PCDHGA5: variants seen among roughly 807,000 people sequenced by gnomAD.
PCDHGA5 encodes protocadherin gamma-A5.
Under a neutral mutation model 56.7 loss-of-function variants are expected in PCDHGA5, and 36 were observed. The ratio of observed to expected loss-of-function variants is 0.64; its 90% confidence interval spans 0.49 to 0.84. The LOEUF is 0.84. Among genes scored for constraint, PCDHGA5 ranks in the 40% least tolerant of loss-of-function variants. The pLI is 0.00. For missense variants in PCDHGA5, 1,305 were observed against 1,201.5 expected (o/e 1.09, Z -1.27); for synonymous variants, 563 against 520.2 (o/e 1.08, Z -1.12).
At chr5:141,409,573 C>T (rs562811168) in intron 1 of PCDHGA5, 4 of 1,613,934 alleles carry the variant, frequency 2.5e-6, no homozygotes, top group African/African-American at 2.7e-5. Flanking sequence ...AGACGTCCTA[C>T]GTGGTCCACG....
At chr5:141,420,036 G>A (rs1370492350) in intron 1 of PCDHGA5, 1 of 1,614,078 alleles carries the variant, frequency 6.2e-7, no homozygotes. Flanking sequence ...GCAGGAGACT[G>A]CTTTGAGTCA....
At chr5:141,419,246 GAAAACAACCAGCC>G (rs749331717) in intron 1 of PCDHGA5, 1 of 1,614,004 alleles carries the variant, frequency 6.2e-7, no homozygotes, top group South Asian at 1.1e-5. Flanking sequence ...CCACGTGCCA[GAAAACAACCAGCC>G]GGGTGCCTCC....
chr5:141,429,416 T>C (rs527999196), intron 1 of PCDHGA5, among the ~76,000 whole-genome samples: 1 of 152,230 alleles, frequency 6.6e-6, no homozygotes, highest in Admixed American at 6.5e-5. Flanking sequence ...GGTCTCATTA[T>C]GTTGCCCAGG....
chr5:141,505,960 G>A (rs2099849410), intron 3 of PCDHGA5, among the ~76,000 whole-genome samples: 1 of 152,202 alleles, frequency 6.6e-6, no homozygotes, highest in Non-Finnish European at 1.5e-5. Context: ...AGTGGGTGTA[G>A]AAATCCCCAG....
rs74792071 is a variant in PCDHGA5 at position 141,437,248 on chromosome 5, T to C, written c.2422-57559T>C. 4.6e-3 allele frequency among the ~76,000 whole-genome samples: 704 copies of C among 152,360 alleles called. 4 individuals carry two copies. The highest frequency in any genetic ancestry group is 0.015 in the African/African-American group (641 of 41,594). On this transcript the variant is annotated intron_variant, in intron 1 of 3. Transcript: ENST00000518069. ...CATAAAATTATGTCAAGGACTTTCC[T>C]TGTCTTTTTATGTGTATGACAGATG... is the stretch of plus-strand genomic sequence containing the variant.
At chr5:141,442,472 C>A (rs1032989256) in intron 1 of PCDHGA5, 4 of 152,204 alleles carry the variant, frequency 2.6e-5, no homozygotes, top group African/African-American at 9.7e-5. Flanking sequence ...GCAGAAAGCC[C>A]CTTGGGGAAG....
At chr5:141,389,855 G>GAGAGC (rs2091946783) in intron 1 of PCDHGA5, 1 of 1,613,942 alleles carries the variant, frequency 6.2e-7, no homozygotes, top group Non-Finnish European at 8.5e-7. Flanking sequence ...CCACTGCCAC[G>GAGAGC]TTGCACCTGG....
chr5:141,509,320 C>T (rs1261653347), intron 3 of PCDHGA5, among the ~76,000 whole-genome samples: 2 of 152,194 alleles, frequency 1.3e-5, no homozygotes, highest in East Asian at 3.8e-4. Flanking sequence ...GGGAGAGAAG[C>T]TCTACTGCCA....
At chr5:141,414,048 G>A in intron 1 of PCDHGA5, 1 of 1,610,508 alleles carries the variant, frequency 6.2e-7, no homozygotes, top group Non-Finnish European at 8.5e-7. Flanking sequence ...TACCTGACAC[G>A]CAATTGTTGA....
chr5:141,475,820 C>T (rs890721743), intron 1 of PCDHGA5: 2 of 351,808 alleles, frequency 5.7e-6, no homozygotes, highest in African/African-American at 2.1e-5. Context: ...AAGTTCCTGG[C>T]GCTAGCGCGT....
intron 1 of PCDHGA5, among the ~76,000 whole-genome samples, chr5:141,451,391 T>C (rs928399948): frequency 6.6e-6 from 1 of 152,162 alleles, no homozygotes; most frequent in Non-Finnish European, 1.5e-5. Context: ...ACATAGTTAA[T>C]GGCAAAATTA....
At chr5:141,367,424 C>A (rs1368988996) in intron 1 of PCDHGA5, 1 of 152,184 alleles carries the variant, frequency 6.6e-6, no homozygotes, top group Non-Finnish European at 1.5e-5. Context: ...GTAGTCCCAG[C>A]TACTCGGAAG....
intron 1 of PCDHGA5, chr5:141,423,195 G>A: frequency 1.2e-6 from 2 of 1,613,544 alleles, no homozygotes; most frequent in Non-Finnish European, 8.5e-7. Flanking sequence ...CCCCTCTCTC[G>A]GCCACCGTCA....
intron 1 of PCDHGA5, chr5:141,379,157 G>A (rs962500873): frequency 1.3e-5 from 2 of 152,168 alleles, no homozygotes; most frequent in Non-Finnish European, 2.9e-5. Flanking sequence ...ACCTGACTTT[G>A]TCAGTCTTCT....
At chr5:141,446,767 G>T (rs891355909) in intron 1 of PCDHGA5, among the ~76,000 whole-genome samples, 1 of 152,118 alleles carries the variant, frequency 6.6e-6, no homozygotes, top group African/African-American at 2.4e-5. Flanking sequence ...GCGCCCAGCC[G>T]GTTACCATTC....
rs749937052 is a variant in PCDHGA5, at chr5:141,490,441, G to A, written c.2422-4366G>A. ...CCTGCCATTTCAGATTAAGCCTTCT[G>A]AGAACCACTACTCGCTGCTAACCAG... On this transcript the variant is annotated intron_variant, in intron 1 of 3. Coordinates refer to ENST00000518069, the MANE Select transcript of PCDHGA5 (RefSeq NM_018918.3). The surrounding 1 kb of genome is among the most constrained non-coding windows in gnomAD (Gnocchi z 5.4). The A allele has an allele frequency of 9.3e-6, 15 of 1,614,208 alleles. No homozygotes were observed. The highest frequency in any genetic ancestry group is 1.2e-5 in the Non-Finnish European group (14 of 1,180,042).
chr5:141,492,091 C>G (rs930375969), intron 1 of PCDHGA5, among the ~76,000 whole-genome samples: 5 of 152,242 alleles, frequency 3.3e-5, no homozygotes, highest in Non-Finnish European at 5.9e-5. Flanking sequence ...CACGCTTCGC[C>G]GGTCTGTAGA....
At chr5:141,481,560 G>A (rs1594155886) in intron 1 of PCDHGA5, among the ~76,000 whole-genome samples, 1 of 152,212 alleles carries the variant, frequency 6.6e-6, no homozygotes, top group Non-Finnish European at 1.5e-5. Flanking sequence ...GCTCACGCCT[G>A]TAATCCCAGT....
At chr5:141,404,841 G>C (rs765291212) in intron 1 of PCDHGA5, 4 of 1,613,886 alleles carry the variant, frequency 2.5e-6, no homozygotes, top group African/African-American at 1.3e-5. Context: ...CGCACAGCTC[G>C]GGCCCTGCTA....
Sources: allele counts gnomAD v4.1 joint callset (sites outside exome capture counted in the v4.1 genomes callset), GRCh38; gene constraint gnomAD v4.1.1; non-coding constraint Gnocchi (gnomAD v3.1); transcripts MANE v1.5; gene names NCBI Gene and HGNC (gene_info 2026-07-23, HGNC 2026-07-21).